The following CCDC3 variants were observed in gnomAD, a reference collection of about 807,000 sequenced individuals.
The protein encoded by CCDC3 is coiled-coil domain containing 3, also known as coiled-coil domain-containing protein 3.
A neutral mutation model predicts 21.4 loss-of-function variants in CCDC3; 24 were observed. That is an observed-to-expected ratio of 1.12 (90% CI 0.81 to 1.58). The LOEUF is 1.58. Ranked by LOEUF, CCDC3 falls within the 40% of genes most tolerant of loss-of-function variation. The pLI, the probability that CCDC3 is intolerant of heterozygous loss-of-function variation, is 0.00. For synonymous variants in CCDC3, 186 were observed against 166.0 expected (o/e 1.12, Z -0.93); for missense variants, 425 against 360.9 (o/e 1.18, Z -1.44).
chr10:13,007,567 C>T (rs887118818), intron 5 of CCDC3, among the ~76,000 whole-genome samples: 6 of 152,034 alleles, frequency 3.9e-5, no homozygotes, highest in Admixed American at 6.6e-5. Flanking sequence ...ACCTGTCTCC[C>T]GGAACATGCT....
intron 2 of CCDC3, among the ~76,000 whole-genome samples, chr10:12,989,929 G>GA (rs897420107): frequency 6.0e-4 from 86 of 144,318 alleles, no homozygotes; most frequent in East Asian, 1.6e-3. Context: ...TGTGCAAGCA[G>GA]AAAAAAAAAA....
chr10:13,054,855 T>C (rs936101296), intron 4 of CCDC3, among the ~76,000 whole-genome samples: 5 of 152,126 alleles, frequency 3.3e-5, no homozygotes, highest in Admixed American at 2.6e-4. Context: ...TTAGTAGAGA[T>C]GCGGTTTCAC....
chr10:12,943,307 C>G (rs1326392670), intron 2 of CCDC3, among the ~76,000 whole-genome samples: 2 of 152,082 alleles, frequency 1.3e-5, no homozygotes, highest in Non-Finnish European at 2.9e-5. Context: ...GAACCCCCAT[C>G]TTGGCCAAGG....
rs538721755 is a variant in CCDC3, at chr10:12,934,567, G to A, written c.550-35888C>T. ...GGTTTTGATGTCTCCAACTATGATA[G>A]TAAACTCATCTATTTTTCCTTGCAG... On this transcript the variant is annotated intron_variant, in intron 2 of 2. Coordinates refer to ENST00000378825, the MANE Select transcript of CCDC3 (RefSeq NM_031455.4). Among the ~76,000 whole-genome samples, 16 of 152,244 alleles carry A rather than the reference G, an allele frequency of 1.1e-4. No homozygotes were observed. The South Asian group carries it at 3.3e-3, about 32-fold the overall frequency.
At chr10:13,021,609 C>T (rs937760864) in intron 5 of CCDC3, among the ~76,000 whole-genome samples, 2 of 152,158 alleles carry the variant, frequency 1.3e-5, no homozygotes, top group African/African-American at 4.8e-5. Context: ...ATGATCTGCC[C>T]TCTGAATGTA....
chr10:12,961,686 G>A (rs1835180418), intron 2 of CCDC3, among the ~76,000 whole-genome samples: 4 of 152,318 alleles, frequency 2.6e-5, no homozygotes, highest in Middle Eastern at 6.8e-3. Context: ...GGCTTTGCAT[G>A]AGGAAGTTAA....
chr10:12,907,866 G>A (rs1304455304), intron 2 of CCDC3, among the ~76,000 whole-genome samples: 1 of 152,170 alleles, frequency 6.6e-6, no homozygotes, highest in Non-Finnish European at 1.5e-5. Flanking sequence ...TTCTAGAGGG[G>A]AGATGCTAGA....
At chr10:13,073,415 C>T (rs1321341094) in intron 4 of CCDC3, among the ~76,000 whole-genome samples, 1 of 152,174 alleles carries the variant, frequency 6.6e-6, no homozygotes, top group African/African-American at 2.4e-5. Flanking sequence ...GGTGTCATTA[C>T]TGCTCTGAAA....
chr10:12,915,948 G>A (rs10906251), intron 2 of CCDC3, among the ~76,000 whole-genome samples: 20,147 of 152,090 alleles, frequency 0.13, 1,783 homozygotes, highest in East Asian at 0.28. Flanking sequence ...GGGCAGGTAT[G>A]GAGCCTGGGT....
At chr10:12,991,909 G>A (rs1835687797) in intron 2 of CCDC3, among the ~76,000 whole-genome samples, 1 of 152,074 alleles carries the variant, frequency 6.6e-6, no homozygotes, top group Admixed American at 6.6e-5. Flanking sequence ...CTTGTTTTCT[G>A]TCTCTTTCTT....
At chr10:12,965,547 TAAGA>T (rs1835250684) in intron 2 of CCDC3, among the ~76,000 whole-genome samples, 1 of 152,204 alleles carries the variant, frequency 6.6e-6, no homozygotes, top group South Asian at 2.1e-4. Context: ...TGAGTGTACG[TAAGA>T]GAGATGTCAC....
At chr10:12,948,120 T>C (rs909546989) in intron 2 of CCDC3, among the ~76,000 whole-genome samples, 1 of 152,134 alleles carries the variant, frequency 6.6e-6, no homozygotes, top group Non-Finnish European at 1.5e-5. Flanking sequence ...GTTTTTTCCA[T>C]GCTGTTCTCA....
At chr10:12,991,523 G>C (rs977788280) in intron 2 of CCDC3, among the ~76,000 whole-genome samples, 6 of 152,092 alleles carry the variant, frequency 3.9e-5, no homozygotes, top group African/African-American at 9.7e-5. Context: ...GTTTCACCAT[G>C]TTGTATCACC....
At chr10:12,988,444 C>A (rs1835631302) in intron 2 of CCDC3, among the ~76,000 whole-genome samples, 1 of 152,026 alleles carries the variant, frequency 6.6e-6, no homozygotes, top group Non-Finnish European at 1.5e-5. Context: ...CCTCCAAGGT[C>A]TAAGCGATTC....
chr10:13,049,537 T>C (rs1252392878), intron 5 of CCDC3: 1 of 152,198 alleles, frequency 6.6e-6, no homozygotes, highest in South Asian at 2.1e-4. Context: ...AAGCAGAGAA[T>C]AGCTGGAATA....
chr10:12,977,460 G>A (rs1190194334), intron 2 of CCDC3, among the ~76,000 whole-genome samples: 6 of 152,066 alleles, frequency 3.9e-5, no homozygotes, highest in East Asian at 3.9e-4. Flanking sequence ...ACAAACCCCC[G>A]ACCCCATAAA....
At chr10:13,066,163 A>T (rs1325091065) in intron 4 of CCDC3, among the ~76,000 whole-genome samples, 1 of 147,792 alleles carries the variant, frequency 6.8e-6, no homozygotes, top group Non-Finnish European at 1.5e-5. Context: ...ACCCTAGGTG[A>T]TTTTTTTTTT....
chr10:13,051,399 C>G (rs1564333290), intron 4 of CCDC3, among the ~76,000 whole-genome samples: 1 of 152,120 alleles, frequency 6.6e-6, no homozygotes, highest in Non-Finnish European at 1.5e-5. Context: ...GTGTGCAAAT[C>G]CCAGCTTAGA....
At chr10:12,950,327 T>C (rs1244004233) in intron 2 of CCDC3, among the ~76,000 whole-genome samples, 2 of 152,118 alleles carry the variant, frequency 1.3e-5, no homozygotes, top group South Asian at 2.1e-4. Context: ...CAGGAAATGC[T>C]CTCCAAAGCA....
Sources: gnomAD v4.1 joint callset for allele counts (sites outside exome capture counted in the v4.1 genomes callset) on GRCh38, gnomAD v4.1.1 for gene constraint, MANE v1.5 for transcripts, NCBI Gene and HGNC (gene_info 2026-07-23, HGNC 2026-07-21) for gene names.